Variants in C4orf51 observed in about 807,000 individuals in gnomAD.
The protein encoded by C4orf51 is uncharacterized protein C4orf51.
A neutral mutation model predicts 25.2 loss-of-function variants in C4orf51; 25 were observed. That is an observed-to-expected ratio of 0.99 (90% CI 0.72 to 1.39). The LOEUF (loss-of-function observed/expected upper bound fraction) is 1.39. Ranked by LOEUF, C4orf51 falls within the 40% of genes most tolerant of loss-of-function variation. The pLI is 0.00. For missense variants in C4orf51, 252 were observed against 239.6 expected (o/e 1.05, Z -0.34); for synonymous variants, 100 against 84.5 (o/e 1.18, Z -1.01).
intron 3 of C4orf51, among the ~76,000 whole-genome samples, chr4:145,727,689 A>G (rs1228788306): frequency 6.6e-6 from 1 of 150,852 alleles, no homozygotes; most frequent in Non-Finnish European, 1.5e-5. Flanking sequence ...CAGCCTGACC[A>G]ACATAGTGAA....
At chr4:145,726,554 T>A (rs540008578) in intron 2 of C4orf51, among the ~76,000 whole-genome samples, 42 of 152,184 alleles carry the variant, frequency 2.8e-4, no homozygotes, top group African/African-American at 9.2e-4. Context: ...GGAGCCACCA[T>A]CACACCCAGC....
intron 2 of C4orf51, among the ~76,000 whole-genome samples, chr4:145,701,816 T>C (rs531761264): frequency 2.0e-5 from 3 of 152,042 alleles, no homozygotes; most frequent in Non-Finnish European, 4.4e-5. Flanking sequence ...TGCACTCTTT[T>C]TTAGTTATCC....
At chr4:145,693,556 C>G (rs1184317936) in intron 1 of C4orf51, among the ~76,000 whole-genome samples, 4 of 151,588 alleles carry the variant, frequency 2.6e-5, no homozygotes, top group Non-Finnish European at 4.4e-5. Flanking sequence ...GGTACACCTC[C>G]CAGATGGGGT....
chr4:145,759,172 C>T (rs1734194296), downstream of C4orf51: 1 of 152,188 alleles, frequency 6.6e-6, no homozygotes, highest in African/African-American at 2.4e-5. Context: ...TTCCAAACTT[C>T]CCATTATTAT....
rs555589088 is a variant in C4orf51 at position 145,739,110 on chromosome 4, C to G, written n.167+6491C>G. Among the ~76,000 whole-genome samples, 54 of 152,310 alleles carry G rather than the reference C, an allele frequency of 3.5e-4. 1 individual carries two copies. The highest frequency in any genetic ancestry group is 1.3e-3 in the African/African-American group (53 of 41,566). ...CTAAAGTCTTGCTGTTTCTCTACAA[C>G]TCTCTTTCTCTTAGTCATTTGTCAT... On this transcript the variant is annotated intron_variant and non_coding_transcript_variant, in intron 1 of 1. Transcript: ENST00000508981.
At chr4:145,680,459 A>G in intron 1 of C4orf51, 23 bp downstream of exon 1, 1 of 1,545,832 alleles carries the variant, frequency 6.5e-7, no homozygotes, top group Non-Finnish European at 8.9e-7. Flanking sequence ...TGTAATTTGC[A>G]CCTGGATATA....
intron 1 of C4orf51, among the ~76,000 whole-genome samples, chr4:145,743,259 AT>A (rs1733195301): frequency 6.6e-6 from 1 of 152,122 alleles, no homozygotes; most frequent in African/African-American, 2.4e-5. Context: ...AGACTATATC[AT>A]TTATAATAAA....
chr4:145,686,182 G>A (rs577878275), intron 1 of C4orf51, among the ~76,000 whole-genome samples: 1 of 152,276 alleles, frequency 6.6e-6, no homozygotes, highest in Admixed American at 6.5e-5. Context: ...CAAATTTTGT[G>A]TGACGTACCT....
chr4:145,727,971 TA>T (rs1732184685), intron 3 of C4orf51, among the ~76,000 whole-genome samples: 8 of 132,722 alleles, frequency 6.0e-5, no homozygotes, highest in Admixed American at 2.7e-4. Context: ...ATATATAATA[TA>T]ATATATACAT....
chr4:145,730,359 C>G (rs759918668), intron 5 of C4orf51, among the ~76,000 whole-genome samples: 4 of 152,110 alleles, frequency 2.6e-5, no homozygotes, highest in Non-Finnish European at 5.9e-5. Context: ...TGGAGTTTCC[C>G]TCCTCATGTG....
intron 2 of C4orf51, among the ~76,000 whole-genome samples, chr4:145,722,305 G>A (rs1242363365): frequency 6.6e-6 from 1 of 151,944 alleles, no homozygotes; most frequent in African/African-American, 2.4e-5. Flanking sequence ...ATACTTATTT[G>A]CTGGAATGTT....
intron 2 of C4orf51, among the ~76,000 whole-genome samples, chr4:145,711,738 T>C (rs1731144004): frequency 6.6e-6 from 1 of 152,208 alleles, no homozygotes; most frequent in Non-Finnish European, 1.5e-5. Context: ...ATTTATTGCA[T>C]TATTCAGCTC....
chr4:145,728,303 T>G (rs1732228441), intron 3 of C4orf51, among the ~76,000 whole-genome samples: 1 of 151,986 alleles, frequency 6.6e-6, no homozygotes, highest in African/African-American at 2.4e-5. Context: ...ATATCCTCTC[T>G]AACATTAGCT....
At chr4:145,724,534 C>T (rs1187880712) in intron 2 of C4orf51, among the ~76,000 whole-genome samples, 7 of 152,130 alleles carry the variant, frequency 4.6e-5, no homozygotes, top group Non-Finnish European at 7.3e-5. Context: ...ACCCTTTCAG[C>T]AGTTTCCCCT....
At chr4:145,790,901 G>T in the C4orf51 span, among the ~76,000 whole-genome samples, 354 of 152,278 alleles carry the variant, frequency 2.3e-3, 2 homozygotes, top group African/African-American at 8.1e-3. Context: ...TTTGTTAGTT[G>T]ATGGCAGATT....
chr4:145,717,563 G>T (rs1731489317), intron 2 of C4orf51, among the ~76,000 whole-genome samples: 1 of 152,242 alleles, frequency 6.6e-6, no homozygotes, highest in African/African-American at 2.4e-5. Flanking sequence ...GTCAGTAGAG[G>T]CCAATTATAT....
At chr4:145,764,762 C>T (rs570175130) in intron 1 of C4orf51, 29 of 579,694 alleles carry the variant, frequency 5.0e-5, no homozygotes, top group South Asian at 8.3e-5. Flanking sequence ...CCCTGAATCC[C>T]GGGGTATTTG....
intron 1 of C4orf51, among the ~76,000 whole-genome samples, chr4:145,751,770 A>G (rs1733691372): frequency 6.6e-6 from 1 of 152,206 alleles, no homozygotes. Context: ...GATGCTCTTC[A>G]GGAGTCAGGG....
intron 2 of C4orf51, among the ~76,000 whole-genome samples, chr4:145,723,632 C>G (rs940869878): frequency 6.6e-6 from 1 of 152,148 alleles, no homozygotes. Flanking sequence ...AGGGTTGGCA[C>G]AACATTTAAG....
Sources: gnomAD v4.1 joint callset for allele counts (sites outside exome capture counted in the v4.1 genomes callset) on GRCh38, gnomAD v4.1.1 for gene constraint, MANE v1.5 for transcripts, NCBI Gene and HGNC (gene_info 2026-07-23, HGNC 2026-07-21) for gene names.